The following RET variants were observed in gnomAD, a reference collection of about 807,000 sequenced individuals.
RET encodes ret proto-oncogene.
RET carries 19 observed loss-of-function variants against 118.3 expected under a neutral mutation model. The observed-to-expected ratio is 0.16, with a 90% CI of 0.11 to 0.24. The LOEUF (loss-of-function observed/expected upper bound fraction) is 0.24, where lower values mean the gene tolerates loss of function less well. Ranked by LOEUF, RET falls within the 10% of genes least tolerant of loss-of-function variation. The pLI, the probability that RET is intolerant of heterozygous loss-of-function variation, is 1.00. For synonymous variants in RET, 597 were observed against 644.1 expected (o/e 0.93, Z 1.11); for missense variants, 1,219 against 1,502.1 (o/e 0.81, Z 3.12).
In RET at chr10:43,114,874, A is replaced by G. The variant is rs1838036029; in HGVS notation, c.2136+138A>G. 15 of 926,956 alleles carry G rather than the reference A, an allele frequency of 1.6e-5. No homozygotes were observed. Among genetic ancestry groups the G allele is most frequent in the South Asian group, 6.8e-5 (4 of 58,430 alleles). 57.4% of individuals were successfully genotyped at this position (926,956 alleles called of 1,614,324 possible). The stretch of plus-strand genomic sequence containing the variant: ...CAGACGAGGCCTGTGTTCTGCCCCC[A>G]TTTCCATAGGGCGCTGTGTGGGGAC... On this transcript the variant is annotated intron_variant, in intron 11 of 19. Transcript: ENST00000355710. This position sits in a 1 kb window ranked among gnomAD's most constrained non-coding sequence, Gnocchi z 4.6.
chr10:43,123,419 G>A (rs1838260926), intron 16 of RET, among the ~76,000 whole-genome samples: 1 of 152,132 alleles, frequency 6.6e-6, no homozygotes, highest in South Asian at 2.1e-4. Context: ...TGTGCGTGTG[G>A]CTGCTCTGAT....
chr10:43,127,371 T>C lies in RET; in HGVS notation c.3187+649T>C, dbSNP rs915554626. The C allele has an allele frequency of 1.6e-5, 17 of 1,064,496 alleles. No homozygotes were observed. The South Asian group carries it at 7.2e-4, about 45-fold the overall frequency. The allele number at this position is 1,064,496 out of a possible 1,614,324, so 65.9% of individuals were successfully genotyped here. A position where few individuals can be genotyped will look rare whatever the true frequency, so the allele number is the denominator to read the frequency against. On this transcript the variant is annotated intron_variant, in intron 19 of 19. Coordinates refer to ENST00000355710, the MANE Select transcript of RET (RefSeq NM_020975.6). The stretch of plus-strand genomic sequence containing the variant: ...CCACCTTCAGGACGGTTGTCACTTA[T>C]GAAGTCAGTGCTAAAGCTGGAGCAG...
intron 3 of RET, chr10:43,104,643 GT>G: frequency 1.9e-6 from 1 of 530,066 alleles, no homozygotes; most frequent in South Asian, 2.1e-5. Context: ...GCGGAGGGGT[GT>G]CCCAGTCCCT....
At chr10:43,127,441 T>A (rs768607690) in intron 19 of RET, 5 of 1,054,422 alleles carry the variant, frequency 4.7e-6, no homozygotes, top group African/African-American at 3.3e-5. Flanking sequence ...GGTCTTACAA[T>A]GGACAGTAAA....
Position 43,091,315 on chromosome 10 carries a change from CAAA to C in RET, c.74-9139_74-9137del, listed in dbSNP as rs1046422715. ...AACTCCTCACACTCAACAACAGCAA[CAAA>C]AAAACCTGATTCCAAAATGAGCACA... On this transcript the variant is annotated intron_variant, in intron 1 of 19. Coordinates refer to ENST00000355710, the MANE Select transcript of RET (RefSeq NM_020975.6). 5.1e-4 allele frequency among the ~76,000 whole-genome samples: 78 copies of C among 152,198 alleles called. 1 individual carries two copies. Among genetic ancestry groups the C allele is most frequent in the Middle Eastern group, 3.4e-3 (1 of 294 alleles).
intron 8 of RET, 56 bp from the exon 9 acceptor site, chr10:43,112,797 G>A: frequency 7.2e-6 from 10 of 1,385,826 alleles, no homozygotes; most frequent in East Asian, 2.3e-5. Flanking sequence ...AGGAGGTGGT[G>A]GGGGCGTGTG....
chr10:43,108,924 C>T (rs1273242345), intron 5 of RET, 107 bp from the exon 6 acceptor site: 41 of 1,088,404 alleles, frequency 3.8e-5, no homozygotes, highest in Non-Finnish European at 4.7e-5. Flanking sequence ...TGTGAAAGTG[C>T]GTGTTTGCAC....
At position 43,128,708 on chromosome 10, in the gene RET, G is replaced by T; in HGVS notation, c.*439G>T. On this transcript the variant is annotated 3_prime_UTR_variant, in exon 20 of 20. Coordinates refer to ENST00000355710, the MANE Select transcript of RET (RefSeq NM_020975.6). ...ATGAAGCACACACACAAAAAAGGCA[G>T]TAGGAAAAATGCTGGCCCTGATGAC... The T allele has an allele frequency of 2.6e-6, 1 of 378,592 alleles. No homozygotes were observed. Among genetic ancestry groups the T allele is most frequent in the Non-Finnish European group, 4.9e-6 (1 of 202,450 alleles). 23.5% of individuals were successfully genotyped at this position (378,592 alleles called of 1,614,324 possible). A position where few individuals can be genotyped will look rare whatever the true frequency, so the allele number is the denominator to read the frequency against.
intron 1 of RET, among the ~76,000 whole-genome samples, chr10:43,085,043 G>T (rs554674883): frequency 2.6e-5 from 4 of 152,326 alleles, no homozygotes; most frequent in Admixed American, 2.6e-4. Context: ...GCCAGGCCCT[G>T]GGGCAGTTTT....
chr10:43,094,306 A>G (rs1404926635), intron 1 of RET, among the ~76,000 whole-genome samples: 1 of 152,142 alleles, frequency 6.6e-6, no homozygotes, highest in Non-Finnish European at 1.5e-5. Flanking sequence ...CTGCTGGGCC[A>G]TAATAAAGCT....
In RET at chr10:43,114,568, C is replaced by T. The variant is rs2132847951; in HGVS notation, c.1968C>T (p.Cys656=). 6.2e-7 allele frequency: 1 copy of T among 1,612,234 alleles called. No individual in the cohort carries two copies. Among genetic ancestry groups the T allele is most frequent in the Admixed American group, 1.7e-5 (1 of 60,020 alleles). The stretch of plus-strand genomic sequence containing the variant: ...TCTCGGTGCTGCTGTCTGCCTTCTG[C>T]ATCCACTGCTACCACAAGTTTGCCC... ...FIVSVLLSAF[C]IHCYHKFAHK... is the part of the protein sequence containing the mutation. The change falls in exon 11 of 20, where the codon TGC becomes TGT. Residue 656 remains cysteine, a synonymous_variant. Transcript: ENST00000355710. This position sits in a 1 kb window ranked among gnomAD's most constrained non-coding sequence, Gnocchi z 4.6.
chr10:43,077,464 T>C (rs1837072316), intron 1 of RET, 133 bp downstream of exon 1: 2 of 1,207,826 alleles, frequency 1.7e-6, no homozygotes, highest in Non-Finnish European at 2.1e-6. Context: ...CCACCCGGCC[T>C]CGGCTGGGAG....
intron 14 of RET, 91 bp downstream of exon 14, chr10:43,119,836 T>C: frequency 1.4e-6 from 2 of 1,394,122 alleles, no homozygotes; most frequent in South Asian, 1.2e-5. Flanking sequence ...GGCCTGCCAC[T>C]CCCCCACCAT....
At chr10:43,096,019 G>A (rs11239881) in intron 1 of RET, among the ~76,000 whole-genome samples, 3,290 of 152,316 alleles carry the variant, frequency 0.022, 126 homozygotes, top group African/African-American at 0.073. Context: ...CCAGGCCACC[G>A]CTGTGCTGCA....
At position 43,106,108 on chromosome 10, in the gene RET, A is replaced by T. The variant is rs2132716954; in HGVS notation, c.868-268A>T. 6.6e-6 allele frequency among the ~76,000 whole-genome samples: 1 copy of T among 152,276 alleles called. No individual in the cohort carries two copies. Among genetic ancestry groups the T allele is most frequent in the South Asian group, 2.1e-4 (1 of 4,826 alleles). On this transcript the variant is annotated intron_variant, in intron 4 of 19. Coordinates refer to ENST00000355710, the MANE Select transcript of RET (RefSeq NM_020975.6). The surrounding 1 kb of genome is among the most constrained non-coding windows in gnomAD (Gnocchi z 5.1). ...GGACCTGCCAGCAGGGTGCCTGGGC[A>T]TCGGCTGTAATTCTCCTTATAAGAG...
At chr10:43,102,723 A>G in intron 3 of RET, 94 bp downstream of exon 3, 1 of 1,458,726 alleles carries the variant, frequency 6.9e-7, no homozygotes. Context: ...TTTATTCTTC[A>G]CCTTCATGCC....
rs537533191 is a variant in RET, at chr10:43,093,770, G to A, written c.74-6689G>A. On this transcript the variant is annotated intron_variant, in intron 1 of 19. Coordinates refer to ENST00000355710, the MANE Select transcript of RET (RefSeq NM_020975.6). ...AGCAGCAGCAGTGAGGCTGAAAGAC[G>A]GGAGCCAGACCTTATGTAGAGTGGA... Among the ~76,000 whole-genome samples the A allele has an allele frequency of 4.0e-5, 6 of 150,642 alleles. No individual in the cohort carries two copies. The East Asian group carries it at 5.8e-4, about 15-fold the overall frequency.
chr10:43,088,202 C>T (rs1225928919), intron 1 of RET, among the ~76,000 whole-genome samples: 4 of 141,046 alleles, frequency 2.8e-5, no homozygotes, highest in East Asian at 2.1e-4. Context: ...ATGGTGAAGA[C>T]GGTGGTGGGA....
chr10:43,077,370 G>A, intron 1 of RET, 39 bp downstream of exon 1: 1 of 1,495,530 alleles, frequency 6.7e-7, no homozygotes, highest in Non-Finnish European at 8.9e-7. Context: ...AGGGGCCAGG[G>A]CGAAGTTGGC....
Sources: allele counts gnomAD v4.1 joint callset (sites outside exome capture counted in the v4.1 genomes callset), GRCh38; gene constraint gnomAD v4.1.1; non-coding constraint Gnocchi (gnomAD v3.1); transcripts MANE v1.5; gene names NCBI Gene and HGNC (gene_info 2026-07-23, HGNC 2026-07-21).